JAG1: variants seen among roughly 807,000 people sequenced by gnomAD.
JAG1 encodes jagged canonical Notch ligand 1, also known as protein jagged-1.
A neutral mutation model predicts 148.7 loss-of-function variants in JAG1; 23 were observed. The ratio of observed to expected loss-of-function variants is 0.15; its 90% CI spans 0.11 to 0.22. The LOEUF (loss-of-function observed/expected upper bound fraction) is 0.22. Among genes scored for constraint, JAG1 ranks in the 10% least tolerant of loss-of-function variants. The pLI is 1.00. For missense variants in JAG1, 1,054 were observed against 1,611.2 expected (o/e 0.65, Z 5.92); for synonymous variants, 572 against 598.3 (o/e 0.96, Z 0.64).
In JAG1 at chr20:10,639,792, C is replaced by G; in HGVS notation, c.3363G>C (p.Gln1121His). 2 of 1,614,154 alleles carry G rather than the reference C, an allele frequency of 1.2e-6. No homozygotes were observed. Among genetic ancestry groups the G allele is most frequent in the Non-Finnish European group, 1.7e-6 (2 of 1,180,028 alleles). Residue 1121 changes from glutamine (Q) to histidine (H), a missense_variant, in exon 26 of 26, where the codon CAG (glutamine) becomes CAC (histidine). Gln to His is a conservative substitution (Grantham distance 24). Around this residue, in one of 6 missense-constraint regions of JAG1, gnomAD observed 177 missense variants for 177.3 expected, o/e 1.00. Transcript: ENST00000254958. ...CATGTTTCTCAATGGGGTTTTTGATCTGGTTCAGCTGCTCCCGCACGTTGT... is the reference window on the plus strand; with the variant it reads ...CATGTTTCTCAATGGGGTTTTTGATGTGGTTCAGCTGCTCCCGCACGTTGT... Reference protein sequence around the residue: ...TTNNVREQLNQIKNPIEKHGA... With the variant: ...TTNNVREQLNHIKNPIEKHGA...
chr20:10,672,555 C>G, intron 2 of JAG1, 146 bp downstream of exon 2: 2 of 810,190 alleles, frequency 2.5e-6, no homozygotes. Flanking sequence ...TGTCCCGGCT[C>G]CCTCACCCGC....
At chr20:10,643,162 A>G (rs1432915060) in intron 20 of JAG1, among the ~76,000 whole-genome samples, 1 of 152,246 alleles carries the variant, frequency 6.6e-6, no homozygotes, top group East Asian at 1.9e-4. Flanking sequence ...CCAGACTTGG[A>G]TTTCAAGCAC....
At chr20:10,648,786 G>T in intron 11 of JAG1, 64 bp from the exon 12 acceptor site, 1 of 1,490,678 alleles carries the variant, frequency 6.7e-7, no homozygotes, top group Non-Finnish European at 9.3e-7. Flanking sequence ...CAAACACAGG[G>T]CTTCAGCGGT....
At position 10,638,291 on chromosome 20, in the gene JAG1, T is replaced by TA. The variant is rs34134142; in HGVS notation, c.*1206dup. On this transcript the variant is annotated 3_prime_UTR_variant, in exon 26 of 26. Transcript: ENST00000254958. ...AGAATACTCCCTAAATGCAGTAGAT[T>TA]AAAAAAAAAAATCAAATCTACAAGT... 1,490 of 150,570 alleles carry TA rather than the reference T, an allele frequency of 9.9e-3. 17 individuals are homozygous for TA. Among genetic ancestry groups the TA allele is most frequent in the South Asian group, 0.022 (104 of 4,734 alleles). 9.3% of individuals were successfully genotyped at this position (150,570 alleles called of 1,614,324 possible). A position where few individuals can be genotyped will look rare whatever the true frequency, so the allele number is the denominator to read the frequency against.
At chr20:10,656,872 T>TAAA (rs33952645) in intron 4 of JAG1, among the ~76,000 whole-genome samples, 24 of 113,320 alleles carry the variant, frequency 2.1e-4, no homozygotes, top group South Asian at 2.9e-4. Context: ...CCTCAGCCTT[T>TAAA]AAAAAAAAAA....
chr20:10,650,820 A>G (rs2067340895), intron 8 of JAG1: 1 of 183,878 alleles, frequency 5.4e-6, no homozygotes, highest in African/African-American at 2.4e-5. Flanking sequence ...CTCTGACCAG[A>G]GACAACTCCT....
Position 10,647,942 on chromosome 20 carries a change from C to A in JAG1, c.1720+18G>T. On this transcript the variant is annotated intron_variant, in intron 13 of 25. Coordinates refer to ENST00000254958, the MANE Select transcript of JAG1 (RefSeq NM_000214.3). Reference sequence around the variant, plus strand: ...GAGCAAGTCTGGAGACAGCCAGGTCCCGGGAGAAGGGAGGTACCTTCACAG... The same window carrying A: ...GAGCAAGTCTGGAGACAGCCAGGTCACGGGAGAAGGGAGGTACCTTCACAG... The A allele has an allele frequency of 1.2e-6, 2 of 1,613,758 alleles. No individual in the cohort carries two copies. The highest frequency in any genetic ancestry group is 1.7e-6 in the Non-Finnish European group (2 of 1,179,970).
chr20:10,662,975 C>T (rs551950701), intron 3 of JAG1, among the ~76,000 whole-genome samples: 1 of 152,224 alleles, frequency 6.6e-6, no homozygotes, highest in African/African-American at 2.4e-5. Context: ...AAGCTGCCCA[C>T]GTAGCAGGCA....
rs2067511871 is a variant in JAG1 at position 10,673,352 on chromosome 20, C to G, written c.81+98G>C. On this transcript the variant is annotated intron_variant, in intron 1 of 25. Transcript: ENST00000254958. This position sits in a 1 kb window ranked among gnomAD's most constrained non-coding sequence, Gnocchi z 4.7. ...GCGCAGGGGCGAGGAGTCGGGCGCT[C>G]GAGGGCTGCCGAGCCTGCTCGCGGG... The G allele has an allele frequency of 1.1e-6, 1 of 937,720 alleles. No individual in the cohort carries two copies. Among genetic ancestry groups the G allele is most frequent in the Non-Finnish European group, 1.6e-6 (1 of 642,350 alleles). 58.1% of individuals were successfully genotyped at this position (937,720 alleles called of 1,614,324 possible).
At chr20:10,647,224 A>C (rs1224261993) in intron 13 of JAG1, 121 bp from the exon 14 acceptor site, 3 of 1,161,098 alleles carry the variant, frequency 2.6e-6, no homozygotes, top group Non-Finnish European at 3.8e-6. Context: ...AATGAGACAC[A>C]CCCCAGGGAA....
In JAG1 at chr20:10,645,621, A is replaced by G; in HGVS notation, c.2000-152T>C. ...TTTAACACAATCAGGCTTTTCCAGG[A>G]ATAAAGGAGCTCCCAACTGGGTTAC... On this transcript the variant is annotated intron_variant, in intron 15 of 25. Transcript: ENST00000254958. This position sits in a 1 kb window ranked among gnomAD's most constrained non-coding sequence, Gnocchi z 6.1. 1.4e-6 allele frequency: 1 copy of G among 726,710 alleles called. No individual in the cohort carries two copies. The highest frequency in any genetic ancestry group is 2.1e-5 in the Admixed American group (1 of 48,418). 45.0% of individuals were successfully genotyped at this position (726,710 alleles called of 1,614,324 possible). A position where few individuals can be genotyped will look rare whatever the true frequency, so the allele number is the denominator to read the frequency against.
In JAG1 at chr20:10,673,109, C is replaced by A. The variant is rs748507859; in HGVS notation, c.82-103G>T. On this transcript the variant is annotated intron_variant, in intron 1 of 25. Transcript: ENST00000254958. The surrounding 1 kb of genome is among the most constrained non-coding windows in gnomAD (Gnocchi z 4.7). Reference sequence around the variant, plus strand: ...ACTCCCCGCCCCGACGAGCCCTCCTCGCCGAGTGAAAATAATTTTGCGAAA... The same window carrying A: ...ACTCCCCGCCCCGACGAGCCCTCCTAGCCGAGTGAAAATAATTTTGCGAAA... 1 of 1,072,652 alleles carries A rather than the reference C, an allele frequency of 9.3e-7. No homozygotes were observed. Among genetic ancestry groups the A allele is most frequent in the South Asian group, 1.3e-5 (1 of 76,912 alleles). The allele number at this position is 1,072,652 out of a possible 1,614,324, so 66.4% of individuals were successfully genotyped here.
At chr20:10,642,350 C>CA in intron 21 of JAG1, 138 bp downstream of exon 21, 1 of 699,104 alleles carries the variant, frequency 1.4e-6, no homozygotes. Flanking sequence ...GAAGACTCTT[C>CA]ACGTTCCCTT....
At position 10,646,026 on chromosome 20, in the gene JAG1, G is replaced by A; in HGVS notation, c.1944C>T (p.Val648=). 6.2e-7 allele frequency: 1 copy of A among 1,614,024 alleles called. No individual in the cohort carries two copies. The highest frequency in any genetic ancestry group is 8.5e-7 in the Non-Finnish European group (1 of 1,179,956). The stretch of plus-strand genomic sequence containing the variant: ...CACTACAGATGCACTTGTAGGAGTT[G>A]ACACCATCGATGCAAGTGCCACCGT... ...CRNGGTCIDG[V]NSYKCICSDG... The change falls in exon 15 of 26, where the codon GTC becomes GTT. Residue 648 remains valine (V), a synonymous_variant. Transcript: ENST00000254958.
intron 4 of JAG1, among the ~76,000 whole-genome samples, chr20:10,658,216 C>T (rs2067391055): frequency 6.6e-6 from 1 of 152,174 alleles, no homozygotes; most frequent in Non-Finnish European, 1.5e-5. Context: ...AAGGACGAGT[C>T]TCCTGAGAAG....
intron 2 of JAG1, among the ~76,000 whole-genome samples, chr20:10,666,170 C>T (rs1404824223): frequency 6.6e-6 from 1 of 152,106 alleles, no homozygotes; most frequent in East Asian, 1.9e-4. Context: ...CCCAGCCCTA[C>T]AGAGAAAAAG....
In JAG1 at chr20:10,639,624, C is replaced by A. The variant is rs778296544; in HGVS notation, c.3531G>T (p.Thr1177=). The A allele has an allele frequency of 1.2e-6, 2 of 1,614,216 alleles. No homozygotes were observed. The highest frequency in any genetic ancestry group is 3.3e-5 in the Admixed American group (2 of 60,024). ...KARFAKQPAY[T]LVDREEKPPN... ...GGGGCTTCTCTTCTCTGTCTACCAGCGTGTACGCCGGCTGCTTGGCAAACC... is the reference window on the plus strand; with the variant it reads ...GGGGCTTCTCTTCTCTGTCTACCAGAGTGTACGCCGGCTGCTTGGCAAACC... The change falls in exon 26 of 26, where the codon ACG becomes ACT. Residue 1177 remains threonine, a synonymous_variant. Transcript: ENST00000254958.
intron 5 of JAG1, among the ~76,000 whole-genome samples, chr20:10,654,706 G>T (rs2067367424): frequency 6.6e-6 from 1 of 152,166 alleles, no homozygotes; most frequent in African/African-American, 2.4e-5. Context: ...CTATGCAAAT[G>T]ATGTGTGGGA....
Position 10,640,623 on chromosome 20 carries a change from G to A in JAG1, c.3199+160C>T, listed in dbSNP as rs146213413. Among the ~76,000 whole-genome samples the A allele has an allele frequency of 5.7e-3, 861 of 152,370 alleles. 6 individuals carry two copies. The highest frequency in any genetic ancestry group is 9.1e-3 in the Non-Finnish European group (618 of 68,038). ...GCAGACCTCTGTTCCCATGGGCCATGTGACCTTAGTAAAGTAGGCTGCCCT... is the reference window on the plus strand; with the variant it reads ...GCAGACCTCTGTTCCCATGGGCCATATGACCTTAGTAAAGTAGGCTGCCCT... On this transcript the variant is annotated intron_variant, in intron 25 of 25. Coordinates refer to ENST00000254958, the MANE Select transcript of JAG1 (RefSeq NM_000214.3).
Sources: gnomAD v4.1 joint callset for allele counts (sites outside exome capture counted in the v4.1 genomes callset) on GRCh38, gnomAD v4.1.1 for gene constraint, gnomAD v4.1.1 regional missense constraint, Gnocchi (gnomAD v3.1) non-coding constraint, MANE v1.5 for transcripts, NCBI Gene and HGNC (gene_info 2026-07-23, HGNC 2026-07-21) for gene names.